MITF: variants seen among roughly 807,000 people sequenced by gnomAD.
MITF encodes melanocyte inducing transcription factor.
Under a neutral mutation model 60.5 loss-of-function variants are expected in MITF, and 17 were observed. The observed-to-expected ratio is 0.28, with a 90% CI of 0.19 to 0.42. MITF has a LOEUF of 0.42. MITF is among the 10% of genes least tolerant of loss of function. The probability of loss-of-function intolerance (pLI) is 1.00; values close to 1 mark genes in which losing one functional copy is unlikely to be tolerated. For missense variants in MITF, 622 were observed against 683.5 expected (o/e 0.91, Z 1.00); for synonymous variants, 260 against 248.5 (o/e 1.05, Z -0.43).
At chr3:69,752,388 G>C (rs1376579205) in intron 1 of MITF, 1 of 152,136 alleles carries the variant, frequency 6.6e-6, no homozygotes, top group African/African-American at 2.4e-5. Flanking sequence ...ACAAAATGCT[G>C]GTAATGATAT....
At chr3:69,840,755 C>CT (rs200258297) in intron 1 of MITF, among the ~76,000 whole-genome samples, 2,261 of 138,512 alleles carry the variant, frequency 0.016, 44 homozygotes, top group Admixed American at 0.045. Flanking sequence ...GTTTTTTTCT[C>CT]TTTTTTTTTT....
chr3:69,760,753 G>A (rs1427485359), intron 1 of MITF, among the ~76,000 whole-genome samples: 2 of 152,130 alleles, frequency 1.3e-5, no homozygotes, highest in Non-Finnish European at 2.9e-5. Context: ...TCTACTTCAG[G>A]ATGGCTTAGA....
At chr3:69,740,286 A>G (rs1305082651) in intron 1 of MITF, among the ~76,000 whole-genome samples, 1 of 151,534 alleles carries the variant, frequency 6.6e-6, no homozygotes, top group Non-Finnish European at 1.5e-5. Context: ...GACCGCTGCT[A>G]GCGGGCGCGG....
chr3:69,937,815 T>C lies in MITF; in HGVS notation c.355-7T>C, dbSNP rs776083519. The C allele has an allele frequency of 3.1e-6, 5 of 1,612,952 alleles. No homozygotes were observed. In the African/African-American group the frequency reaches 5.3e-5, roughly 17 times the overall value. ...CTGTTTTCTTTTCCCTCCATGGCTA[T>C]GTTCAGGTGCAGACCCACCTCGAAA... On this transcript the variant is annotated splice_region_variant and splice_polypyrimidine_tract_variant and intron_variant, in intron 2 of 9. Coordinates refer to ENST00000352241, the MANE Select transcript of MITF (RefSeq NM_001354604.2).
chr3:69,842,862 G>A (rs114738989), intron 1 of MITF, among the ~76,000 whole-genome samples: 18 of 152,292 alleles, frequency 1.2e-4, no homozygotes, highest in Non-Finnish European at 1.9e-4. Flanking sequence ...GCTGTGTGGT[G>A]TAAACTTTAT....
At chr3:69,768,856 G>A (rs1215420482) in intron 1 of MITF, among the ~76,000 whole-genome samples, 3 of 152,196 alleles carry the variant, frequency 2.0e-5, no homozygotes, top group Admixed American at 1.3e-4. Flanking sequence ...GTAAGTTCAA[G>A]CACTGTGTTT....
intron 1 of MITF, among the ~76,000 whole-genome samples, chr3:69,829,112 T>A (rs1244445800): frequency 1.3e-5 from 2 of 152,246 alleles, no homozygotes; most frequent in Middle Eastern, 3.2e-3. Context: ...GCTTTAGGTC[T>A]GTTGGACCTA....
chr3:69,852,676 G>A (rs1244183449), intron 1 of MITF, among the ~76,000 whole-genome samples: 1 of 152,166 alleles, frequency 6.6e-6, no homozygotes, highest in Non-Finnish European at 1.5e-5. Context: ...TTTGGGTTAA[G>A]AAATGGAATT....
intron 1 of MITF, among the ~76,000 whole-genome samples, chr3:69,858,865 T>C (rs1467730500): frequency 6.6e-6 from 1 of 152,222 alleles, no homozygotes; most frequent in East Asian, 1.9e-4. Context: ...TTTGAGGCTC[T>C]AAGGGCTGAC....
chr3:69,940,416 G>C (rs576048027), intron 4 of MITF, among the ~76,000 whole-genome samples: 1 of 152,326 alleles, frequency 6.6e-6, no homozygotes, highest in Admixed American at 6.5e-5. Context: ...TCACAGGCTT[G>C]TCTTTGCAAC....
chr3:69,931,803 C>T (rs2065730436), intron 2 of MITF, among the ~76,000 whole-genome samples: 1 of 152,180 alleles, frequency 6.6e-6, no homozygotes, highest in African/African-American at 2.4e-5. Context: ...CCTTCTTATT[C>T]AGTTAAAGTC....
intron 1 of MITF, among the ~76,000 whole-genome samples, chr3:69,852,280 C>T (rs2063837882): frequency 6.6e-6 from 1 of 152,204 alleles, no homozygotes; most frequent in Non-Finnish European, 1.5e-5. Flanking sequence ...AGCTAGCACC[C>T]AATCTCTAAG....
intron 2 of MITF, among the ~76,000 whole-genome samples, chr3:69,895,808 TTGTGTGTG>T (rs35088149): frequency 0.015 from 2,036 of 140,136 alleles, 31 homozygotes; most frequent in African/African-American, 0.048. Flanking sequence ...TGTGGAGTGT[TTGTGTGTG>T]TGTGTGTGTG....
intron 1 of MITF, chr3:69,763,636 C>T (rs1456036670): frequency 5.7e-6 from 7 of 1,228,588 alleles, no homozygotes; most frequent in Non-Finnish European, 7.2e-6. Flanking sequence ...GTAATAATCT[C>T]CTTTCTGAGA....
intron 1 of MITF, among the ~76,000 whole-genome samples, chr3:69,842,872 TTTTG>T (rs148695260): frequency 6.6e-6 from 1 of 152,236 alleles, no homozygotes; most frequent in African/African-American, 2.4e-5. Context: ...GTAAACTTTA[TTTTG>T]TTTGTTTGTT....
chr3:69,739,606 C>A lies in MITF; in HGVS notation c.9C>A (p.Ser3=). Reference sequence around the variant, plus strand: ...GACGGGAAGCGGGAGCCATGCAGTCCGAATCGGGGATCGTGCCGGATTTCG... The same window carrying A: ...GACGGGAAGCGGGAGCCATGCAGTCAGAATCGGGGATCGTGCCGGATTTCG... MQ[S]ESGIVPDFEV... Residue 3 remains serine, a synonymous_variant, in exon 1 of 10, where the codon TCC becomes TCA. Transcript: ENST00000352241. 1 of 1,574,716 alleles carries A rather than the reference C, an allele frequency of 6.4e-7. No homozygotes were observed. Among genetic ancestry groups the A allele is most frequent in the Non-Finnish European group, 8.6e-7 (1 of 1,158,148 alleles).
chr3:69,825,496 G>A (rs1473937488), intron 1 of MITF, among the ~76,000 whole-genome samples: 2 of 152,146 alleles, frequency 1.3e-5, no homozygotes, highest in African/African-American at 2.4e-5. Context: ...GGGACCTAGT[G>A]GATGAGTTCA....
intron 2 of MITF, among the ~76,000 whole-genome samples, chr3:69,885,308 T>A (rs2064586678): frequency 6.6e-6 from 1 of 152,120 alleles, no homozygotes; most frequent in South Asian, 2.1e-4. Context: ...CGTTTTCTCC[T>A]GTTAGAGGAG....
intron 4 of MITF, 137 bp downstream of exon 4, chr3:69,939,318 C>T: frequency 1.3e-6 from 1 of 755,128 alleles, no homozygotes; most frequent in Non-Finnish European, 2.2e-6. Context: ...AAGCTAGGAA[C>T]ATTGCCATTT....
Sources: allele counts gnomAD v4.1 joint callset (sites outside exome capture counted in the v4.1 genomes callset), GRCh38; gene constraint gnomAD v4.1.1; transcripts MANE v1.5; gene names NCBI Gene and HGNC (gene_info 2026-07-23, HGNC 2026-07-21).